ZNF419: variants seen among roughly 807,000 people sequenced by gnomAD.
ZNF419 encodes the protein zinc finger protein 419.
A neutral mutation model predicts 14.9 loss-of-function variants in ZNF419; 8 were observed. The observed-to-expected ratio is 0.54, with a 90% CI of 0.32 to 0.97. The LOEUF (loss-of-function observed/expected upper bound fraction) is 0.97. Among genes scored for constraint, ZNF419 ranks in the 50% least tolerant of loss-of-function variants. The pLI, the probability that ZNF419 is intolerant of heterozygous loss-of-function variation, is 0.04. For missense variants in ZNF419, 595 were observed against 607.2 expected (o/e 0.98, Z 0.21); for synonymous variants, 211 against 205.3 (o/e 1.03, Z -0.24).
chr19:57,490,747 A>AGGTT (rs533891482), intron 2 of ZNF419: 480 of 155,078 alleles, frequency 3.1e-3, no homozygotes, highest in Non-Finnish European at 5.5e-3. Context: ...CATGGAGGTA[A>AGGTT]GGTTGAGCTG....
chr19:57,493,679 C>G lies in ZNF419; in HGVS notation c.1122C>G (p.Ser374Arg), dbSNP rs1156536744. The G allele has an allele frequency of 1.2e-5, 19 of 1,613,664 alleles. 2 individuals carry two copies. The highest frequency in any genetic ancestry group is 3.3e-4 in the Middle Eastern group (2 of 6,060). Residue 374 changes from serine (S) to arginine (R), a missense_variant, in exon 5 of 5, where the codon AGC becomes AGG. Transcript: ENST00000221735. ...VHTGERPYKC[S>R]DCGKFFTQCS... Reference sequence around the variant, plus strand: ...CTGGAGAAAGGCCTTACAAGTGCAGCGACTGTGGGAAATTTTTTACCCAAT... The same window carrying G: ...CTGGAGAAAGGCCTTACAAGTGCAGGGACTGTGGGAAATTTTTTACCCAAT...
rs1426132218 is a variant in ZNF419, at chr19:57,487,939, TCA to T, written c.-9_-8del. 8 of 1,613,122 alleles carry T rather than the reference TCA, an allele frequency of 5.0e-6. No homozygotes were observed. The Admixed American group carries it at 1.2e-4, about 24-fold the overall frequency. Reference sequence around the variant, plus strand: ...GTCATTGTCTCCCCTCCAGCTCTACTCACAGGCTCCGATGGCGGCGGCCGCCC... The same window carrying T: ...GTCATTGTCTCCCCTCCAGCTCTACTCAGGCTCCGATGGCGGCGGCCGCCC... On this transcript the variant is annotated 5_prime_UTR_variant, in exon 1 of 5. Transcript: ENST00000221735.
chr19:57,490,051 A>G, intron 1 of ZNF419, 96 bp from the exon 2 acceptor site: 1 of 1,147,556 alleles, frequency 8.7e-7, no homozygotes, highest in Middle Eastern at 2.0e-4. Context: ...CAGATTGTAG[A>G]TAGTCAGGCA....
rs532907966 is a variant in ZNF419 at position 57,495,725 on chromosome 19, C to CAAAAAAAAAAAAAAAAAAAAA, written c.*1659_*1679dup. 1 of 49,158 alleles carries CAAAAAAAAAAAAAAAAAAAAA rather than the reference C, an allele frequency of 2.0e-5. No homozygotes were observed. The highest frequency in any genetic ancestry group is 3.4e-5 in the Non-Finnish European group (1 of 29,604). The allele number at this position is 49,158 out of a possible 1,614,324, so 3.0% of individuals were successfully genotyped here. On this transcript the variant is annotated 3_prime_UTR_variant, in exon 5 of 5. Coordinates refer to ENST00000221735, the MANE Select transcript of ZNF419 (RefSeq NM_024691.4). ...TGGGGCACAAAGCCAGACTCTGTCT[C>CAAAAAAAAAAAAAAAAAAAAA]AAAAAAAAAAAAAAAAAAAAAAAAA... is the stretch of plus-strand genomic sequence containing the variant.
rs199892362 is a variant in ZNF419 at position 57,493,680 on chromosome 19, G to A, written c.1123G>A (p.Asp375Asn). ...TGGAGAAAGGCCTTACAAGTGCAGC[G>A]ACTGTGGGAAATTTTTTACCCAATG... ...HTGERPYKCS[D>N]CGKFFTQCSS... Residue 375 changes from aspartate to asparagine, a missense_variant, in exon 5 of 5, where the codon GAC becomes AAC. Physicochemically the swap from Asp to Asn is conservative, Grantham distance 23. Coordinates refer to ENST00000221735, the MANE Select transcript of ZNF419 (RefSeq NM_024691.4). 8.2e-5 allele frequency: 133 copies of A among 1,613,810 alleles called. No individual in the cohort carries two copies. In the African/African-American group the frequency reaches 1.0e-3, roughly 12 times the overall value.
chr19:57,489,327 A>T (rs1024398542), intron 1 of ZNF419: 6 of 152,240 alleles, frequency 3.9e-5, no homozygotes, highest in Non-Finnish European at 7.3e-5. Context: ...ATAAAACAAC[A>T]CGGATTTATT....
At position 57,487,878 on chromosome 19, in the gene ZNF419, G is replaced by A. The variant is rs959854134; in HGVS notation, c.-73G>A. The A allele has an allele frequency of 1.3e-5, 21 of 1,607,558 alleles. No homozygotes were observed. In the African/African-American group the frequency reaches 2.8e-4, roughly 21 times the overall value. ...CGCTCAGAGGCGGGTCTGAGGCTCGGTGGCGGCGCCCAGGGTGGCCCGGGC... is the reference window on the plus strand; with the variant it reads ...CGCTCAGAGGCGGGTCTGAGGCTCGATGGCGGCGCCCAGGGTGGCCCGGGC... On this transcript the variant is annotated 5_prime_UTR_variant, in exon 1 of 5. The change creates a new upstream start codon in the 5' untranslated region. Coordinates refer to ENST00000221735, the MANE Select transcript of ZNF419 (RefSeq NM_024691.4).
intron 2 of ZNF419, chr19:57,490,756 T>A (rs1434590274): frequency 6.5e-6 from 1 of 154,890 alleles, no homozygotes; most frequent in East Asian, 1.9e-4. Context: ...AAGGTTGAGC[T>A]GGGAATGCTT....
rs745515959 is a variant in ZNF419, at chr19:57,493,194, G to C, written c.637G>C (p.Gly213Arg). 6 of 1,614,182 alleles carry C rather than the reference G, an allele frequency of 3.7e-6. No individual in the cohort carries two copies. Among genetic ancestry groups the C allele is most frequent in the Non-Finnish European group, 5.1e-6 (6 of 1,180,012 alleles). Residue 213 changes from glycine (G) to arginine (R), a missense_variant, in exon 5 of 5, where the codon GGT (glycine) becomes CGT (arginine). Transcript: ENST00000221735. The stretch of plus-strand genomic sequence containing the variant: ...ATGCAGTGAATGTGGGAAAGCCTTT[G>C]GTCAGAAATATTTACTTGTTCAGCA... ...YKCSECGKAF[G>R]QKYLLVQHQR...
chr19:57,492,829 ACTT>A, intron 4 of ZNF419, 24 bp from the exon 5 acceptor site: 1 of 1,613,486 alleles, frequency 6.2e-7, no homozygotes. Context: ...GTCTACATTT[ACTT>A]CTTCAACATT....
At chr19:57,489,267 G>C (rs929181325) in intron 1 of ZNF419, 1 of 152,110 alleles carries the variant, frequency 6.6e-6, no homozygotes, top group African/African-American at 2.4e-5. Context: ...AATTTATGAG[G>C]TAAGTATTTA....
At chr19:57,492,346 A>G (rs1195818429) in intron 4 of ZNF419, 135 bp downstream of exon 4, 3 of 1,044,524 alleles carry the variant, frequency 2.9e-6, no homozygotes, top group Admixed American at 1.7e-5. Context: ...TCACCCATTT[A>G]TATCTATTCT....
rs2089588336 is a variant in ZNF419 at position 57,494,716 on chromosome 19, CT to C, written c.*630del. 5.6e-6 allele frequency: 1 copy of C among 177,488 alleles called. No homozygotes were observed. Among genetic ancestry groups the C allele is most frequent in the Non-Finnish European group, 1.2e-5 (1 of 85,268 alleles). 11.0% of individuals were successfully genotyped at this position (177,488 alleles called of 1,614,324 possible). On this transcript the variant is annotated 3_prime_UTR_variant, in exon 5 of 5. Coordinates refer to ENST00000221735, the MANE Select transcript of ZNF419 (RefSeq NM_024691.4). ...GAATTGTGTTTTTATAATTTTCACC[CT>C]TTTGGCTGTGTAACAGGTCTGCAAA... is the stretch of plus-strand genomic sequence containing the variant.
Position 57,493,654 on chromosome 19 carries a change from C to T in ZNF419, c.1097C>T (p.Thr366Ile). The change falls in exon 5 of 5, where the codon ACT becomes ATT. Residue 366 changes from threonine to isoleucine, a missense_variant. Physicochemically the swap from Thr to Ile is moderately conservative, Grantham distance 89. Coordinates refer to ENST00000221735, the MANE Select transcript of ZNF419 (RefSeq NM_024691.4). ...CTTATCAAACATTGGCGTGTTCATACTGGAGAAAGGCCTTACAAGTGCAGC... is the reference window on the plus strand; with the variant it reads ...CTTATCAAACATTGGCGTGTTCATATTGGAGAAAGGCCTTACAAGTGCAGC... ...SNLIKHWRVH[T>I]GERPYKCSDC... is the part of the protein sequence containing the mutation. 6.2e-7 allele frequency: 1 copy of T among 1,614,136 alleles called. No individual in the cohort carries two copies. Among genetic ancestry groups the T allele is most frequent in the South Asian group, 1.1e-5 (1 of 91,082 alleles).
In ZNF419 at chr19:57,493,342, G is replaced by A. The variant is rs1385183866; in HGVS notation, c.785G>A (p.Ser262Asn). 1 of 1,614,126 alleles carries A rather than the reference G, an allele frequency of 6.2e-7. No homozygotes were observed. The highest frequency in any genetic ancestry group is 1.7e-5 in the Admixed American group (1 of 60,026). ...VHTGERPYGC[S>N]NCGKSFSRNA... is the part of the protein sequence containing the mutation. ...ACTGGAGAAAGGCCTTACGGGTGTA[G>A]TAACTGTGGAAAATCCTTTAGCCGT... The change falls in exon 5 of 5, where the codon AGT becomes AAT. Residue 262 changes from serine (S) to asparagine (N), a missense_variant. Physicochemically the swap from Ser to Asn is conservative, Grantham distance 46 (BLOSUM62 1). Transcript: ENST00000221735.
At position 57,493,481 on chromosome 19, in the gene ZNF419, C is replaced by T; in HGVS notation, c.924C>T (p.Ile308=). ...HNSTLVQHHK[I]HTGVRPYECS... ...CCACACTTGTTCAGCATCACAAAAT[C>T]CACACTGGAGTAAGGCCTTATGAGT... The change falls in exon 5 of 5, where the codon ATC becomes ATT. Residue 308 remains isoleucine (I), a synonymous_variant. Transcript: ENST00000221735. 1 of 1,613,498 alleles carries T rather than the reference C, an allele frequency of 6.2e-7. No homozygotes were observed. Among genetic ancestry groups the T allele is most frequent in the Non-Finnish European group, 8.5e-7 (1 of 1,179,920 alleles).
intron 4 of ZNF419, chr19:57,492,451 T>C: frequency 2.6e-6 from 2 of 769,724 alleles, no homozygotes; most frequent in South Asian, 2.7e-5. Flanking sequence ...ACTGAATGTG[T>C]GGTGAGGTGG....
chr19:57,492,571 G>A, intron 4 of ZNF419: 3 of 752,592 alleles, frequency 4.0e-6, no homozygotes, highest in East Asian at 5.0e-5. Flanking sequence ...AGCAGCCAAA[G>A]TCCTGTGGAA....
Position 57,493,375 on chromosome 19 carries a change from A to G in ZNF419, c.818A>G (p.His273Arg). 1 of 1,614,106 alleles carries G rather than the reference A, an allele frequency of 6.2e-7. No homozygotes were observed. The highest frequency in any genetic ancestry group is 8.5e-7 in the Non-Finnish European group (1 of 1,180,006). The change falls in exon 5 of 5, where the codon CAC becomes CGC. Residue 273 changes from histidine to arginine, a missense_variant. Physicochemically the swap from His to Arg is conservative, Grantham distance 29. Coordinates refer to ENST00000221735, the MANE Select transcript of ZNF419 (RefSeq NM_024691.4). ...GGAAAATCCTTTAGCCGTAATGCTC[A>G]CCTCATTGAACACCAGAGAGTTCAC... Reference protein sequence around the residue: ...NCGKSFSRNAHLIEHQRVHTG... With the variant: ...NCGKSFSRNARLIEHQRVHTG...
Sources: allele counts gnomAD v4.1 joint callset, GRCh38; gene constraint gnomAD v4.1.1; transcripts MANE v1.5; gene names NCBI Gene and HGNC (gene_info 2026-07-23, HGNC 2026-07-21).